The following STPG2 variants were observed in gnomAD, a reference collection of about 807,000 sequenced individuals.
The protein encoded by STPG2 is sperm tail PG-rich repeat containing 2.
A neutral mutation model predicts 54.2 loss-of-function variants in STPG2; 56 were observed. The observed-to-expected ratio is 1.03, with a 90% CI of 0.83 to 1.29. The LOEUF is 1.29. Ranked by LOEUF, STPG2 falls within the 50% of genes most tolerant of loss-of-function variation. The pLI, the probability that STPG2 is intolerant of heterozygous loss-of-function variation, is 0.00. For missense variants in STPG2, 596 were observed against 544.9 expected (o/e 1.09, Z -0.93); for synonymous variants, 200 against 181.8 (o/e 1.10, Z -0.81).
Position 97,614,136 on chromosome 4 carries a change from C to A in STPG2, c.1321-55019G>T, listed in dbSNP as rs186849748. 1.2e-4 allele frequency among the ~76,000 whole-genome samples: 18 copies of A among 151,948 alleles called. No individual in the cohort carries two copies. The East Asian group carries it at 3.5e-3, about 29-fold the overall frequency. ...AGATAAAAATAAAAAATATAAAATTCATTTATTAATATGAGTTCCATAAAG... is the reference window on the plus strand; with the variant it reads ...AGATAAAAATAAAAAATATAAAATTAATTTATTAATATGAGTTCCATAAAG... On this transcript the variant is annotated intron_variant, in intron 10 of 10. Transcript: ENST00000295268.
At chr4:97,931,319 T>G (rs1732538488) in intron 8 of STPG2, among the ~76,000 whole-genome samples, 1 of 152,210 alleles carries the variant, frequency 6.6e-6, no homozygotes, top group Admixed American at 6.5e-5. Flanking sequence ...AGGCTGTGGA[T>G]TTGTCCTAAA....
At chr4:97,750,207 C>A (rs1202289160) in intron 9 of STPG2, among the ~76,000 whole-genome samples, 1 of 151,722 alleles carries the variant, frequency 6.6e-6, no homozygotes, top group Non-Finnish European at 1.5e-5. Flanking sequence ...CTTAGAAAAT[C>A]TTTGCTTTAT....
intron 4 of STPG2, among the ~76,000 whole-genome samples, chr4:97,485,378 A>G (rs1329657940): frequency 6.6e-6 from 1 of 151,954 alleles, no homozygotes; most frequent in Non-Finnish European, 1.5e-5. Context: ...TACAAGATTA[A>G]TGTACACAAA....
intron 8 of STPG2, among the ~76,000 whole-genome samples, chr4:97,907,735 T>C (rs868386968): frequency 1.3e-5 from 2 of 152,192 alleles, no homozygotes; most frequent in African/African-American, 2.4e-5. Flanking sequence ...CCATCTGATC[T>C]TTGACAAACC....
rs547720618 is a variant in STPG2, at chr4:97,996,625, C to T, written c.613-15307G>A. ...TCTGTGCAGCAAAAGAAACTATTAA[C>T]AGAGTAAACAGACAACCTATAGAAT... On this transcript the variant is annotated intron_variant, in intron 5 of 10. Transcript: ENST00000295268. Among the ~76,000 whole-genome samples, 3 of 16,916 alleles carry T rather than the reference C, an allele frequency of 1.8e-4. No homozygotes were observed. The Admixed American group carries it at 1.9e-3, about 11-fold the overall frequency. 11.1% of individuals were successfully genotyped at this position (16,916 alleles called of 152,430 possible).
intron 8 of STPG2, among the ~76,000 whole-genome samples, chr4:97,880,986 A>T (rs1183245081): frequency 1.3e-5 from 2 of 152,084 alleles, no homozygotes; most frequent in Admixed American, 1.3e-4. Flanking sequence ...GAAAGGATTT[A>T]TTTACCAATT....
intron 10 of STPG2, among the ~76,000 whole-genome samples, chr4:97,588,217 A>T (rs979081684): frequency 6.6e-6 from 1 of 152,006 alleles, no homozygotes; most frequent in Non-Finnish European, 1.5e-5. Context: ...TCTCTAGAGA[A>T]ATAAATCAGA....
chr4:98,023,055 G>T (rs1736279181), intron 5 of STPG2, among the ~76,000 whole-genome samples: 1 of 151,630 alleles, frequency 6.6e-6, no homozygotes, highest in South Asian at 2.1e-4. Flanking sequence ...TTCTGTTACT[G>T]GTGAGGAACT....
chr4:97,686,616 C>T (rs902755315), intron 10 of STPG2, among the ~76,000 whole-genome samples: 21 of 152,076 alleles, frequency 1.4e-4, no homozygotes, highest in Non-Finnish European at 2.6e-4. Flanking sequence ...CGTTCACATA[C>T]TCCCCAATCT....
intron 10 of STPG2, among the ~76,000 whole-genome samples, chr4:97,619,682 C>T (rs1733960851): frequency 6.6e-6 from 1 of 151,040 alleles, no homozygotes; most frequent in Non-Finnish European, 1.5e-5. Context: ...AACATTTCTC[C>T]TTCAGAAGCC....
In STPG2 at chr4:97,989,007, C is replaced by T. The variant is rs373494210; in HGVS notation, c.613-7689G>A. 1.2e-4 allele frequency among the ~76,000 whole-genome samples: 18 copies of T among 152,096 alleles called. 1 individual carries two copies. Among genetic ancestry groups the T allele is most frequent in the African/African-American group, 3.9e-4 (16 of 41,496 alleles). ...AAAATTAGGAGAAACTAAAAATTTA[C>T]GAGAAACTAATACAGAAGTATCTTT... On this transcript the variant is annotated intron_variant, in intron 5 of 10. Coordinates refer to ENST00000295268, the MANE Select transcript of STPG2 (RefSeq NM_174952.3).
intron 9 of STPG2, among the ~76,000 whole-genome samples, chr4:97,761,876 T>C (rs1725899344): frequency 6.6e-6 from 1 of 152,170 alleles, no homozygotes; most frequent in Non-Finnish European, 1.5e-5. Flanking sequence ...CCACAGCTTT[T>C]TTTGCTGATT....
intron 9 of STPG2, among the ~76,000 whole-genome samples, chr4:97,734,008 G>T (rs1482365293): frequency 2.6e-5 from 4 of 151,916 alleles, no homozygotes; most frequent in Admixed American, 2.6e-4. Context: ...TATTTTTCTT[G>T]CCTAATTGCT....
rs1026877789 is a variant in STPG2, at chr4:97,681,999, C to A, written c.1320+30700G>T. On this transcript the variant is annotated intron_variant, in intron 10 of 10. Coordinates refer to ENST00000295268, the MANE Select transcript of STPG2 (RefSeq NM_174952.3). The stretch of plus-strand genomic sequence containing the variant: ...GTTCTAAATGATTATTAATAATAAG[C>A]AATATTATTGAAAATGTTTAGGATC... 3.3e-5 allele frequency among the ~76,000 whole-genome samples: 5 copies of A among 151,706 alleles called. No homozygotes were observed. The East Asian group carries it at 9.7e-4, about 29-fold the overall frequency.
At chr4:97,732,258 C>T (rs1383743842) in intron 9 of STPG2, among the ~76,000 whole-genome samples, 5 of 152,164 alleles carry the variant, frequency 3.3e-5, no homozygotes, top group South Asian at 2.1e-4. Flanking sequence ...GCTCCCACTG[C>T]CCATTCAAAT....
At chr4:97,812,601 AAAAG>A (rs1727775558) in intron 9 of STPG2, among the ~76,000 whole-genome samples, 1 of 152,182 alleles carries the variant, frequency 6.6e-6, no homozygotes, top group Admixed American at 6.5e-5. Flanking sequence ...AAAGAGTTTT[AAAAG>A]AAAAACTATA....
chr4:97,455,981 G>A (rs774758242), intron 4 of STPG2, among the ~76,000 whole-genome samples: 14 of 152,136 alleles, frequency 9.2e-5, no homozygotes, highest in Admixed American at 4.6e-4. Flanking sequence ...AATGTTTCCC[G>A]TGTCAATATT....
chr4:97,955,266 G>A (rs530563315), intron 7 of STPG2, among the ~76,000 whole-genome samples: 2 of 149,376 alleles, frequency 1.3e-5, no homozygotes, highest in East Asian at 2.0e-4. Flanking sequence ...CCAGGCTGGA[G>A]TGCAGTGGCA....
At chr4:97,782,111 G>A (rs1239665139) in intron 9 of STPG2, among the ~76,000 whole-genome samples, 2 of 152,130 alleles carry the variant, frequency 1.3e-5, no homozygotes, top group Non-Finnish European at 2.9e-5. Context: ...TCAATAAAGG[G>A]TATTCAATTA....
Sources: allele counts gnomAD v4.1 joint callset (sites outside exome capture counted in the v4.1 genomes callset), GRCh38; gene constraint gnomAD v4.1.1; transcripts MANE v1.5; gene names NCBI Gene and HGNC (gene_info 2026-07-23, HGNC 2026-07-21).